Variants in PRAG1 observed in about 807,000 individuals in gnomAD.
The protein encoded by PRAG1 is PEAK1 related, kinase-activating pseudokinase 1.
A neutral mutation model predicts 95.6 loss-of-function variants in PRAG1; 110 were observed. That is an observed-to-expected ratio of 1.15 (90% confidence interval 0.99 to 1.35). The LOEUF is 1.35. PRAG1 is among the 40% of genes most tolerant of loss of function. The pLI, the probability that PRAG1 is intolerant of heterozygous loss-of-function variation, is 0.00. For missense variants in PRAG1, 2,554 were observed against 1,864.7 expected (o/e 1.37, Z -6.81); for synonymous variants, 1,052 against 819.4 (o/e 1.28, Z -4.85).
At position 8,386,315 on chromosome 8, in the gene PRAG1, G is replaced by C. The variant is rs1326092935; in HGVS notation, c.-88+6C>G. On this transcript the variant is annotated splice_donor_region_variant and intron_variant, in intron 1 of 5. Coordinates refer to ENST00000615670, the MANE Select transcript of PRAG1 (RefSeq NM_001080826.3). The stretch of plus-strand genomic sequence containing the variant: ...GCCGAATTTGGAGAGCGCGTCGCGG[G>C]CTCACCTCTGGGCTGCGCTCCCCCG... 6.6e-6 allele frequency: 1 copy of C among 152,222 alleles called. No individual in the cohort carries two copies. Among genetic ancestry groups the C allele is most frequent in the Non-Finnish European group, 1.5e-5 (1 of 68,048 alleles). 9.4% of individuals were successfully genotyped at this position (152,222 alleles called of 1,614,324 possible).
At position 8,378,585 on chromosome 8, in the gene PRAG1, T is replaced by C. The variant is rs1224854387; in HGVS notation, c.331-507A>G. ...ACACACTGAACACACTGGAGCCAGA[T>C]GCCGTGGCTCATACCTGTAATCCCA... On this transcript the variant is annotated intron_variant, in intron 2 of 5. Coordinates refer to ENST00000615670, the MANE Select transcript of PRAG1 (RefSeq NM_001080826.3). Among the ~76,000 whole-genome samples the C allele has an allele frequency of 2.6e-5, 4 of 152,244 alleles. No homozygotes were observed. The East Asian group carries it at 7.7e-4, about 29-fold the overall frequency.
chr8:8,334,306 G>T (rs1563231943), intron 4 of PRAG1, among the ~76,000 whole-genome samples: 1 of 151,984 alleles, frequency 6.6e-6, no homozygotes, highest in Non-Finnish European at 1.5e-5. Flanking sequence ...GCATAGTGGT[G>T]TGTGCCTGTA....
At chr8:8,342,070 G>A (rs550247118) in intron 3 of PRAG1, among the ~76,000 whole-genome samples, 39 of 152,226 alleles carry the variant, frequency 2.6e-4, no homozygotes, top group African/African-American at 9.4e-4. Context: ...GGCGGAGGTT[G>A]CAGTGAGCCG....
At chr8:8,367,503 C>T (rs1339961847) in intron 3 of PRAG1, among the ~76,000 whole-genome samples, 1 of 131,684 alleles carries the variant, frequency 7.6e-6, no homozygotes, top group Non-Finnish European at 1.6e-5. Flanking sequence ...AAAAAAGAAT[C>T]GCGTTAAGTG....
chr8:8,370,898 C>G (rs1046413805), intron 3 of PRAG1, among the ~76,000 whole-genome samples: 1 of 152,054 alleles, frequency 6.6e-6, no homozygotes, highest in Non-Finnish European at 1.5e-5. Flanking sequence ...CCTGTAATCC[C>G]AACACTTTGG....
intron 4 of PRAG1, among the ~76,000 whole-genome samples, chr8:8,331,105 C>G (rs1798805777): frequency 6.6e-6 from 1 of 152,166 alleles, no homozygotes; most frequent in Non-Finnish European, 1.5e-5. Flanking sequence ...TGATCAGAAC[C>G]CTGGTCAATG....
intron 5 of PRAG1, among the ~76,000 whole-genome samples, chr8:8,321,102 G>A (rs1340326267): frequency 2.0e-5 from 3 of 152,122 alleles, no homozygotes; most frequent in Non-Finnish European, 2.9e-5. Context: ...AACTCTACTC[G>A]GTTTTTATTT....
chr8:8,336,213 G>T (rs910919400), intron 4 of PRAG1, among the ~76,000 whole-genome samples: 4 of 152,154 alleles, frequency 2.6e-5, no homozygotes, highest in African/African-American at 9.7e-5. Flanking sequence ...AATGTTTGCC[G>T]AACTGCTGAA....
intron 4 of PRAG1, among the ~76,000 whole-genome samples, chr8:8,339,187 C>T (rs1039891750): frequency 6.6e-6 from 1 of 152,272 alleles, no homozygotes; most frequent in African/African-American, 2.4e-5. Context: ...CAGGCCTGTA[C>T]ACAGATGGCT....
At chr8:8,351,983 G>A (rs948567123) in intron 3 of PRAG1, among the ~76,000 whole-genome samples, 7 of 152,118 alleles carry the variant, frequency 4.6e-5, no homozygotes, top group Non-Finnish European at 7.4e-5. Context: ...AAGATCACCT[G>A]TGCCTGACCA....
Position 8,362,346 on chromosome 8 carries a change from T to A in PRAG1, c.2162+13901A>T, listed in dbSNP as rs192707234. 6.9e-4 allele frequency among the ~76,000 whole-genome samples: 105 copies of A among 152,302 alleles called. 2 individuals are homozygous for A. Among genetic ancestry groups the A allele is most frequent in the Admixed American group, 5.6e-3 (85 of 15,302 alleles). On this transcript the variant is annotated intron_variant, in intron 3 of 5. Coordinates refer to ENST00000615670, the MANE Select transcript of PRAG1 (RefSeq NM_001080826.3). ...TCACACACACTTTCAACTTCCAGAG[T>A]ATCTGGACCACCAAGGAAGTACTTT...
chr8:8,322,308 G>C (rs981864978), intron 5 of PRAG1, among the ~76,000 whole-genome samples: 4 of 152,278 alleles, frequency 2.6e-5, no homozygotes, highest in African/African-American at 9.6e-5. Flanking sequence ...AGCCTCCTGA[G>C]TAGCTGGGAT....
At chr8:8,335,845 T>C (rs1798967657) in intron 4 of PRAG1, among the ~76,000 whole-genome samples, 1 of 152,192 alleles carries the variant, frequency 6.6e-6, no homozygotes, top group Admixed American at 6.5e-5. Context: ...GACTGGGAAT[T>C]ATTTCCATTG....
chr8:8,375,777 G>C (rs551608984), intron 3 of PRAG1, among the ~76,000 whole-genome samples: 2 of 151,902 alleles, frequency 1.3e-5, no homozygotes, highest in African/African-American at 4.8e-5. Flanking sequence ...CTCCTGCTTC[G>C]GCCTCCCAAA....
At chr8:8,343,931 G>T (rs921234270) in intron 3 of PRAG1, among the ~76,000 whole-genome samples, 12 of 151,574 alleles carry the variant, frequency 7.9e-5, no homozygotes, top group Non-Finnish European at 1.6e-4. Flanking sequence ...AAAATAAATG[G>T]GAAAAAATAA....
intron 3 of PRAG1, among the ~76,000 whole-genome samples, chr8:8,346,036 G>A (rs1799329858): frequency 6.6e-6 from 1 of 152,132 alleles, no homozygotes; most frequent in African/African-American, 2.4e-5. Flanking sequence ...AAGAATCCCT[G>A]GAAAAGGCTT....
intron 3 of PRAG1, among the ~76,000 whole-genome samples, chr8:8,340,246 T>C (rs1799120367): frequency 6.6e-6 from 1 of 152,252 alleles, no homozygotes; most frequent in Non-Finnish European, 1.5e-5. Context: ...AACCAACCTT[T>C]TGCTTTTCTG....
intron 4 of PRAG1, among the ~76,000 whole-genome samples, chr8:8,331,096 G>A (rs1798805447): frequency 6.6e-6 from 1 of 152,172 alleles, no homozygotes; most frequent in Non-Finnish European, 1.5e-5. Flanking sequence ...AGTGGGGTGT[G>A]ATCAGAACCC....
Position 8,366,299 on chromosome 8 carries a change from A to G in PRAG1, c.2162+9948T>C, listed in dbSNP as rs548978425. Among the ~76,000 whole-genome samples, 377 of 150,428 alleles carry G rather than the reference A, an allele frequency of 2.5e-3. 1 individual carries two copies. Among genetic ancestry groups the G allele is most frequent in the African/African-American group, 8.8e-3 (360 of 40,844 alleles). ...CTAGACAGAGTCCCCCTACCACCCA[A>G]AGGCATGGGAATTCTTTTTTTTTTT... On this transcript the variant is annotated intron_variant, in intron 3 of 5. Coordinates refer to ENST00000615670, the MANE Select transcript of PRAG1 (RefSeq NM_001080826.3).
Sources: allele counts gnomAD v4.1 joint callset (sites outside exome capture counted in the v4.1 genomes callset), GRCh38; gene constraint gnomAD v4.1.1; transcripts MANE v1.5; gene names NCBI Gene and HGNC (gene_info 2026-07-23, HGNC 2026-07-21).